Variants in TANC2 observed in about 807,000 individuals in gnomAD.
The protein encoded by TANC2 is protein TANC2.
In TANC2, 26 loss-of-function variants were observed where a neutral mutation model predicts 210.5. The observed-to-expected ratio is 0.12, with a 90% CI of 0.09 to 0.17. The LOEUF is 0.17. Ranked by LOEUF, TANC2 falls within the 10% of genes least tolerant of loss-of-function variation. The pLI, the probability that TANC2 is intolerant of heterozygous loss-of-function variation, is 1.00. For synonymous variants in TANC2, 931 were observed against 967.1 expected (o/e 0.96, Z 0.69); for missense variants, 2,129 against 2,608.9 (o/e 0.82, Z 4.01).
intron 6 of TANC2, among the ~76,000 whole-genome samples, chr17:63,196,081 C>T (rs2041336312): frequency 6.6e-6 from 1 of 152,174 alleles, no homozygotes; most frequent in African/African-American, 2.4e-5. Flanking sequence ...TGCACCTGCC[C>T]ATCCATATAC....
At chr17:63,424,822 A>G (rs2049106922) in exon 28 of TANC2, 2 of 152,338 alleles carry the variant, frequency 1.3e-5, no homozygotes, top group South Asian at 2.1e-4. Flanking sequence ...GAAAAAAGGA[A>G]AGGAAAGACA....
chr17:63,421,408 A>G lies in TANC2; in HGVS notation c.5678A>G (p.Glu1893Gly), dbSNP rs574785929. The G allele has an allele frequency of 6.2e-7, 1 of 1,613,986 alleles. No homozygotes were observed. Among genetic ancestry groups the G allele is most frequent in the African/African-American group, 1.3e-5 (1 of 75,044 alleles). Residue 1893 changes from glutamate (E) to glycine (G), a missense_variant, in exon 28 of 28, where the codon GAG (glutamate) becomes GGG (glycine). Physicochemically the swap from Glu to Gly is moderately conservative, Grantham distance 98. Around this residue, in one of 5 missense-constraint regions of TANC2, gnomAD observed 584 missense variants for 627.3 expected, o/e 0.93. Transcript: ENST00000689528. This position sits in a 1 kb window ranked among gnomAD's most constrained non-coding sequence, Gnocchi z 6.9. ...CCATCTTCTTCCATCCAGCAAATGG[A>G]GATCCCACTGAAACCTGCATATGAG...
At chr17:63,244,081 T>C (rs2042850930) in intron 8 of TANC2, among the ~76,000 whole-genome samples, 1 of 152,200 alleles carries the variant, frequency 6.6e-6, no homozygotes, top group Non-Finnish European at 1.5e-5. Context: ...AGCAGGAGTA[T>C]CATTGTGGTG....
At position 63,350,098 on chromosome 17, in the gene TANC2, T is replaced by G. The variant is rs138444174; in HGVS notation, c.1808-1152T>G. Among the ~76,000 whole-genome samples, 390 of 152,322 alleles carry G rather than the reference T, an allele frequency of 2.6e-3. 6 individuals carry two copies. The highest frequency in any genetic ancestry group is 0.013 in the East Asian group (65 of 5,186). On this transcript the variant is annotated intron_variant, in intron 12 of 27. Coordinates refer to ENST00000689528, the Ensembl canonical transcript of TANC2. Reference sequence around the variant, plus strand: ...TAGGAGAAAAACAATAAGGGCTTATTAATCATTGCAAAAGATCTGTATATT... The same window carrying G: ...TAGGAGAAAAACAATAAGGGCTTATGAATCATTGCAAAAGATCTGTATATT...
intron 7 of TANC2, among the ~76,000 whole-genome samples, chr17:63,218,321 T>A (rs990956223): frequency 2.6e-5 from 4 of 151,654 alleles, no homozygotes; most frequent in Non-Finnish European, 5.9e-5. Flanking sequence ...GGATGAAAAA[T>A]TTTTAAATTT....
intron 5 of TANC2, among the ~76,000 whole-genome samples, chr17:63,172,528 A>G (rs896087022): frequency 1.3e-5 from 2 of 152,108 alleles, no homozygotes; most frequent in Non-Finnish European, 2.9e-5. Flanking sequence ...GCAGTCCCTC[A>G]GTCATTTCTT....
At chr17:63,410,794 G>A (rs2048671978) in intron 21 of TANC2, among the ~76,000 whole-genome samples, 1 of 146,438 alleles carries the variant, frequency 6.8e-6, no homozygotes, top group Non-Finnish European at 1.5e-5. Context: ...CCGGGAGGTG[G>A]AGGTTGCAGT....
intron 16 of TANC2, among the ~76,000 whole-genome samples, chr17:63,389,081 CTACAGTA>C (rs2047878795): frequency 6.6e-6 from 1 of 152,044 alleles, no homozygotes; most frequent in South Asian, 2.1e-4. Flanking sequence ...ATGTTCAGCA[CTACAGTA>C]TAGGAGGCAA....
chr17:63,025,751 G>T (rs1300862504), intron 2 of TANC2, among the ~76,000 whole-genome samples: 1 of 151,108 alleles, frequency 6.6e-6, no homozygotes, highest in Non-Finnish European at 1.5e-5. Flanking sequence ...AGCCGTGATT[G>T]CACCACTGCA....
At chr17:63,277,175 C>T (rs2043903184) in intron 9 of TANC2, among the ~76,000 whole-genome samples, 1 of 152,104 alleles carries the variant, frequency 6.6e-6, no homozygotes, top group African/African-American at 2.4e-5. Flanking sequence ...GGACCAGACC[C>T]TGAGGGTTCA....
chr17:63,201,178 A>G (rs1383764401), intron 7 of TANC2, among the ~76,000 whole-genome samples: 1 of 152,124 alleles, frequency 6.6e-6, no homozygotes, highest in Non-Finnish European at 1.5e-5. Context: ...ATTCCCTGAT[A>G]AGAAGGAGTG....
intron 2 of TANC2, among the ~76,000 whole-genome samples, chr17:63,024,468 G>A (rs1221366192): frequency 1.3e-5 from 2 of 152,302 alleles, no homozygotes; most frequent in Non-Finnish European, 1.5e-5. Flanking sequence ...CTTGGTTTTA[G>A]TGGGTTTGGG....
At chr17:63,090,254 G>T in intron 3 of TANC2, among the ~76,000 whole-genome samples, 1 of 139,934 alleles carries the variant, frequency 7.1e-6, no homozygotes. Context: ...GGGTACATGT[G>T]CACAATGTGC....
intron 6 of TANC2, among the ~76,000 whole-genome samples, chr17:63,196,527 TAA>T (rs1184784265): frequency 2.0e-5 from 3 of 152,340 alleles, no homozygotes; most frequent in African/African-American, 7.2e-5. Context: ...GATTTCTGCA[TAA>T]AGTCACAAGT....
chr17:63,199,652 T>C lies in TANC2; in HGVS notation c.583-1119T>C, dbSNP rs79683713. Among the ~76,000 whole-genome samples the C allele has an allele frequency of 8.5e-3, 1,289 of 152,082 alleles. 16 individuals carry two copies. Among genetic ancestry groups the C allele is most frequent in the African/African-American group, 0.028 (1,180 of 41,506 alleles). On this transcript the variant is annotated intron_variant, in intron 6 of 27. Transcript: ENST00000689528. ...AAAAAAGGATAAAATGTTTTTAGTG[T>C]TTGAAAAAATATACTTTTATTCACT...
In TANC2 at chr17:63,084,555, CTCT is replaced by C. The variant is rs376071436; in HGVS notation, c.139+10546_139+10548del. ...TTCTGCTTGCTTTGAATTTAATTTG[CTCT>C]TCTTTTTCTAGTTTCCTAAGATAGA... On this transcript the variant is annotated intron_variant, in intron 3 of 27. Transcript: ENST00000689528. Among the ~76,000 whole-genome samples the C allele has an allele frequency of 2.6e-3, 396 of 151,578 alleles. 2 individuals carry two copies. The highest frequency in any genetic ancestry group is 9.1e-3 in the African/African-American group (375 of 41,356).
intron 15 of TANC2, among the ~76,000 whole-genome samples, chr17:63,384,069 CT>C (rs200143495): frequency 2.2e-3 from 323 of 149,186 alleles, no homozygotes; most frequent in Non-Finnish European, 3.4e-3. Flanking sequence ...AGTTGTTTAA[CT>C]TTTTTTTTTA....
In TANC2 at chr17:62,966,501, C is replaced by CGCCGA. The variant is rs966129734; in HGVS notation, c.-260_-256dup. On this transcript the variant is annotated 5_prime_UTR_variant, in exon 1 of 28. Transcript: ENST00000689528. This position sits in a 1 kb window ranked among gnomAD's most constrained non-coding sequence, Gnocchi z 5.1. ...CTAGGCGGAGCGAGGCGCCCGCCGC[C>CGCCGA]GCCGAGCCGAGCCGAGGGGCGAGAG... Among the ~76,000 whole-genome samples the CGCCGA allele has an allele frequency of 6.7e-5, 10 of 149,058 alleles. No individual in the cohort carries two copies. Among genetic ancestry groups the CGCCGA allele is most frequent in the Non-Finnish European group, 1.2e-4 (8 of 66,776 alleles).
At chr17:63,319,129 A>C (rs1188445649) in intron 11 of TANC2, 39 bp downstream of exon 11, 4 of 1,581,070 alleles carry the variant, frequency 2.5e-6, no homozygotes, top group Non-Finnish European at 3.4e-6. Context: ...TGGTAGTTCC[A>C]TTTTAATATC....
Sources: allele counts gnomAD v4.1 joint callset (sites outside exome capture counted in the v4.1 genomes callset), GRCh38; gene constraint gnomAD v4.1.1; regional missense constraint gnomAD v4.1.1; non-coding constraint Gnocchi (gnomAD v3.1); transcripts MANE v1.5; gene names NCBI Gene and HGNC (gene_info 2026-07-23, HGNC 2026-07-21).